SLC10A7: variants seen among roughly 807,000 people sequenced by gnomAD.
The protein encoded by SLC10A7 is sodium/bile acid cotransporter 7.
A neutral mutation model predicts 43.2 loss-of-function variants in SLC10A7; 29 were observed. The observed-to-expected ratio is 0.67, with a 90% CI of 0.50 to 0.92. SLC10A7 has a LOEUF of 0.92. Ranked by LOEUF, SLC10A7 falls within the 40% of genes least tolerant of loss-of-function variation. The pLI is 0.00. For missense variants in SLC10A7, 295 were observed against 403.2 expected, an observed-to-expected ratio of 0.73 and a Z score of 2.30; for synonymous variants, 152 against 144.8, an observed-to-expected ratio of 1.05 and a Z score of -0.35.
intron 4 of SLC10A7, among the ~76,000 whole-genome samples, chr4:146,471,488 G>A (rs1367464477): frequency 6.6e-6 from 1 of 152,088 alleles, no homozygotes; most frequent in African/African-American, 2.4e-5. Context: ...ATATTTTTCT[G>A]TGTCAAATTC....
intron 5 of SLC10A7, among the ~76,000 whole-genome samples, chr4:146,360,248 T>TAAAC (rs67385874): frequency 1.5e-4 from 1 of 6,836 alleles, no homozygotes; most frequent in Admixed American, 2.1e-3. Flanking sequence ...ACCAACTTCC[T>TAAAC]AGTCTCCAAA....
At chr4:146,434,873 T>A (rs1730086962) in intron 5 of SLC10A7, among the ~76,000 whole-genome samples, 1 of 152,174 alleles carries the variant, frequency 6.6e-6, no homozygotes, top group East Asian at 1.9e-4. Context: ...CTTGAAGTTT[T>A]ATAGTAAAAT....
At chr4:146,360,230 A>T (rs1436989274) in intron 5 of SLC10A7, among the ~76,000 whole-genome samples, 2 of 73,324 alleles carry the variant, frequency 2.7e-5, no homozygotes, top group Non-Finnish European at 4.7e-5. Flanking sequence ...TTTCCTCTGA[A>T]TCAGTGTACC....
At chr4:146,445,442 C>T (rs910642817) in intron 4 of SLC10A7, among the ~76,000 whole-genome samples, 1 of 152,138 alleles carries the variant, frequency 6.6e-6, no homozygotes, top group Non-Finnish European at 1.5e-5. Flanking sequence ...TGCAGACCCG[C>T]GGCAGTGTCC....
At position 146,330,337 on chromosome 4, in the gene SLC10A7, G is replaced by A. The variant is rs75178734; in HGVS notation, c.436-4341C>T. On this transcript the variant is annotated intron_variant, in intron 5 of 11. Transcript: ENST00000335472. Reference sequence around the variant, plus strand: ...TTATGAAATTTTTGAAATAGAAAATGTTATCAAGAGGTTTTGCTGCAACAA... The same window carrying A: ...TTATGAAATTTTTGAAATAGAAAATATTATCAAGAGGTTTTGCTGCAACAA... 7.5e-3 allele frequency among the ~76,000 whole-genome samples: 1,148 copies of A among 152,274 alleles called. 15 individuals carry two copies. Among genetic ancestry groups the A allele is most frequent in the African/African-American group, 0.026 (1,090 of 41,566 alleles).
intron 5 of SLC10A7, among the ~76,000 whole-genome samples, chr4:146,348,821 T>C (rs1032109351): frequency 6.6e-6 from 1 of 152,204 alleles, no homozygotes; most frequent in Non-Finnish European, 1.5e-5. Flanking sequence ...AATAATTTTC[T>C]ATTACTTTAA....
intron 5 of SLC10A7, among the ~76,000 whole-genome samples, chr4:146,414,914 C>T (rs1281217944): frequency 6.6e-6 from 1 of 152,106 alleles, no homozygotes; most frequent in Non-Finnish European, 1.5e-5. Flanking sequence ...TTAATATTCT[C>T]ACTCCTAATG....
At chr4:146,445,771 C>G (rs1043453729) in intron 4 of SLC10A7, among the ~76,000 whole-genome samples, 13 of 152,042 alleles carry the variant, frequency 8.6e-5, no homozygotes, top group Non-Finnish European at 1.8e-4. Flanking sequence ...TGGAATGGGA[C>G]GAAAATCTTC....
At chr4:146,380,157 C>A (rs967377340) in intron 5 of SLC10A7, among the ~76,000 whole-genome samples, 1 of 151,902 alleles carries the variant, frequency 6.6e-6, no homozygotes, top group African/African-American at 2.4e-5. Context: ...TGTTTAAAAC[C>A]AGGTATATGT....
Position 146,514,889 on chromosome 4 carries a change from T to C in SLC10A7, c.183+2149A>G, listed in dbSNP as rs919678148. 9.9e-6 allele frequency: 5 copies of C among 503,880 alleles called. No homozygotes were observed. The East Asian group carries it at 1.6e-4, about 16-fold the overall frequency. 31.2% of individuals were successfully genotyped at this position (503,880 alleles called of 1,614,324 possible). A position where few individuals can be genotyped will look rare whatever the true frequency, so the allele number is the denominator to read the frequency against. ...TAGGACATCTTAAGTTATATGGCTT[T>C]TGAAAATGACTTAATGTTGTATTCT... On this transcript the variant is annotated intron_variant, in intron 2 of 11. Transcript: ENST00000335472.
chr4:146,441,650 C>T, intron 5 of SLC10A7: 1 of 967,834 alleles, frequency 1.0e-6, no homozygotes, highest in Admixed American at 6.2e-5. Flanking sequence ...CTAAACTAAG[C>T]AATCCGAGAG....
At chr4:146,285,580 TA>T (rs1729841846) in intron 9 of SLC10A7, among the ~76,000 whole-genome samples, 1 of 152,182 alleles carries the variant, frequency 6.6e-6, no homozygotes, top group African/African-American at 2.4e-5. Context: ...GAACACAAGC[TA>T]GGGGATATTG....
chr4:146,517,191 A>G (rs1283912659), intron 1 of SLC10A7, 71 bp from the exon 2 acceptor site: 1 of 1,270,642 alleles, frequency 7.9e-7, no homozygotes, highest in South Asian at 1.3e-5. Context: ...AGAAGAATCT[A>G]TTTGTTCACA....
At chr4:146,458,507 T>C (rs1315761584) in intron 4 of SLC10A7, among the ~76,000 whole-genome samples, 1 of 151,880 alleles carries the variant, frequency 6.6e-6, no homozygotes, top group East Asian at 1.9e-4. Context: ...CCAAGTCAGT[T>C]AGTCAAATAA....
At chr4:146,505,209 A>G (rs1170141493) in intron 3 of SLC10A7, among the ~76,000 whole-genome samples, 1 of 152,176 alleles carries the variant, frequency 6.6e-6, no homozygotes, top group African/African-American at 2.4e-5. Context: ...AGACAGCAAG[A>G]CTTCTTCCTC....
chr4:146,296,539 T>C (rs1011993432), intron 7 of SLC10A7, among the ~76,000 whole-genome samples: 1 of 152,154 alleles, frequency 6.6e-6, no homozygotes, highest in Non-Finnish European at 1.5e-5. Flanking sequence ...AAATTGATGG[T>C]GGATACCTAA....
intron 4 of SLC10A7, among the ~76,000 whole-genome samples, chr4:146,462,066 GT>G (rs1732586213): frequency 6.6e-6 from 1 of 151,664 alleles, no homozygotes; most frequent in Non-Finnish European, 1.5e-5. Context: ...TCATAATTTA[GT>G]TTTATTTTTT....
At chr4:146,297,828 A>G (rs1405682557) in intron 7 of SLC10A7, among the ~76,000 whole-genome samples, 2 of 152,240 alleles carry the variant, frequency 1.3e-5, no homozygotes, top group African/African-American at 2.4e-5. Context: ...CAATAATAAT[A>G]AATGGGCACA....
chr4:146,327,845 G>C (rs1733252539), intron 5 of SLC10A7, among the ~76,000 whole-genome samples: 1 of 152,140 alleles, frequency 6.6e-6, no homozygotes, highest in Admixed American at 6.5e-5. Context: ...TGCACCATTG[G>C]GGGGCCTGAG....
Sources: gnomAD v4.1 joint callset for allele counts (sites outside exome capture counted in the v4.1 genomes callset) on GRCh38, gnomAD v4.1.1 for gene constraint, MANE v1.5 for transcripts, NCBI Gene and HGNC (gene_info 2026-07-23, HGNC 2026-07-21) for gene names.